The following DST variants were observed in gnomAD, a reference collection of about 807,000 sequenced individuals.
DST encodes the protein bullous pemphigoid antigen.
A neutral mutation model predicts 875.2 loss-of-function variants in DST; 253 were observed. That is an observed-to-expected ratio of 0.29 (90% CI 0.26 to 0.32). DST has a LOEUF of 0.32. Among genes scored for constraint, DST ranks in the 10% least tolerant of loss-of-function variants. DST has a pLI of 1.00. For missense variants in DST, 8,287 were observed against 9,111.6 expected (o/e 0.91, Z 3.68); for synonymous variants, 3,124 against 3,197.1 (o/e 0.98, Z 0.77).
intron 2 of DST, among the ~76,000 whole-genome samples, chr6:56,939,660 A>AT (rs907110485): frequency 2.2e-4 from 33 of 152,126 alleles, no homozygotes; most frequent in African/African-American, 7.9e-4. Flanking sequence ...CTGTTTTTGC[A>AT]TTTTTTTATT....
chr6:56,631,242 C>T lies in DST; in HGVS notation c.4111G>A (p.Val1371Ile), dbSNP rs2098777264. Residue 1371 changes from valine to isoleucine, a missense_variant, in exon 30 of 104, where the codon GTC (valine) becomes ATC (isoleucine). Val to Ile is a conservative substitution (Grantham distance 29). This residue lies in a region of DST where 3,138 missense variants were observed against 3,116.6 expected (regional missense o/e 1.01). Transcript: ENST00000680361. ...LNVVLQNMNQ[V>I]YSMSSTYIDK... ...ATGTAAGTGGAAGACATAGAATAGA[C>T]TTGGTTCATGTTCTGAAGGACCACA... 2 of 1,613,616 alleles carry T rather than the reference C, an allele frequency of 1.2e-6. No homozygotes were observed. The highest frequency in any genetic ancestry group is 4.5e-5 in the East Asian group (2 of 44,846).
At chr6:56,742,332 C>T (rs1441006075) in intron 4 of DST, 4 of 1,289,774 alleles carry the variant, frequency 3.1e-6, no homozygotes, top group Non-Finnish European at 4.0e-6. Context: ...TCATGAGCTG[C>T]CCCATCATTC....
chr6:56,536,649 C>A, intron 62 of DST, 130 bp downstream of exon 62: 1 of 924,988 alleles, frequency 1.1e-6, no homozygotes, highest in Non-Finnish European at 1.5e-6. Context: ...TTGAGCCATC[C>A]AGTTTACAGT....
intron 39 of DST, among the ~76,000 whole-genome samples, chr6:56,609,901 TTA>T (rs1378730469): frequency 6.6e-6 from 1 of 152,182 alleles, no homozygotes; most frequent in Admixed American, 6.5e-5. Flanking sequence ...ATATTGAATA[TTA>T]TGTTAGGCCT....
At chr6:56,500,207 A>C (rs1488123140) in intron 80 of DST, among the ~76,000 whole-genome samples, 3 of 152,130 alleles carry the variant, frequency 2.0e-5, no homozygotes, top group African/African-American at 7.2e-5. Context: ...TTGATAGTTA[A>C]GGAAAATTTA....
intron 49 of DST, among the ~76,000 whole-genome samples, chr6:56,586,322 G>A (rs1171041035): frequency 1.3e-5 from 2 of 151,708 alleles, no homozygotes; most frequent in African/African-American, 4.8e-5. Flanking sequence ...AGCTCTTCTG[G>A]TTGAATTGAT....
chr6:56,779,573 G>A (rs1215185090), intron 4 of DST, among the ~76,000 whole-genome samples: 1 of 151,898 alleles, frequency 6.6e-6, no homozygotes, highest in African/African-American at 2.4e-5. Flanking sequence ...AAGGTGTAAG[G>A]AAGGGATCCA....
chr6:56,724,920 T>C (rs1332899531), intron 5 of DST, among the ~76,000 whole-genome samples: 1 of 152,176 alleles, frequency 6.6e-6, no homozygotes, highest in Non-Finnish European at 1.5e-5. Context: ...CTGAAGCTTT[T>C]TGACAATCTT....
At chr6:56,632,309 A>T (rs1353660281) in intron 28 of DST, among the ~76,000 whole-genome samples, 1 of 152,202 alleles carries the variant, frequency 6.6e-6, no homozygotes, top group Admixed American at 6.5e-5. Context: ...TTTTATGTTC[A>T]CAAAAATGTG....
chr6:56,938,100 CTCTCTCTCTATATATA>C lies in DST; in HGVS notation c.216+15669_216+15684del, dbSNP rs1380696953. 1.2e-3 allele frequency among the ~76,000 whole-genome samples: 34 copies of C among 28,110 alleles called. No individual in the cohort carries two copies. The Admixed American group carries it at 0.025, about 20-fold the overall frequency. The allele number at this position is 28,110 out of a possible 152,430, so 18.4% of individuals were successfully genotyped here. ...TCTCTCTTTCTCTCTCTCTCTCTCTCTCTCTCTCTATATATATATATATATATATATGTTTAAAAAA... is the reference window on the plus strand; with the variant it reads ...TCTCTCTTTCTCTCTCTCTCTCTCTCTATATATATATATATGTTTAAAAAA... On this transcript the variant is annotated intron_variant, in intron 2 of 103. Coordinates refer to ENST00000680361, the MANE Select transcript of DST (RefSeq NM_001374736.1).
chr6:56,723,188 C>A (rs971177496), intron 5 of DST, among the ~76,000 whole-genome samples: 1 of 152,138 alleles, frequency 6.6e-6, no homozygotes, highest in Non-Finnish European at 1.5e-5. Flanking sequence ...GAATTTTAGA[C>A]AATTAAAGAA....
intron 4 of DST, among the ~76,000 whole-genome samples, chr6:56,741,881 T>C (rs1344778096): frequency 1.3e-5 from 2 of 152,100 alleles, no homozygotes; most frequent in Non-Finnish European, 2.9e-5. Context: ...TATATTTATA[T>C]CCCCCTTATA....
intron 5 of DST, among the ~76,000 whole-genome samples, chr6:56,720,924 G>A (rs938820740): frequency 6.4e-4 from 94 of 147,648 alleles, no homozygotes; most frequent in African/African-American, 2.4e-3. Context: ...TCCCAGATGG[G>A]GCGGCCAGGC....
chr6:56,473,952 C>A lies in DST; in HGVS notation c.21915G>T (p.Thr7305=). 1 of 1,586,080 alleles carries A rather than the reference C, an allele frequency of 6.3e-7. No homozygotes were observed. The highest frequency in any genetic ancestry group is 8.6e-7 in the Non-Finnish European group (1 of 1,163,896). Residue 7305 remains threonine, a synonymous_variant, in exon 93 of 104, where the codon ACG becomes ACT. Transcript: ENST00000680361. Reference sequence around the variant, plus strand: ...CAGCAGCTCTCCTCTTATAGGTCTTCGTTACTTTATCAACATCAGGCTGTT... The same window carrying A: ...CAGCAGCTCTCCTCTTATAGGTCTTAGTTACTTTATCAACATCAGGCTGTT... The part of the protein sequence containing the change: ...TRKQPDVDKV[T]KTYKRRAADP...
intron 9 of DST, among the ~76,000 whole-genome samples, chr6:56,673,020 C>T (rs2099109985): frequency 6.6e-6 from 1 of 151,926 alleles, no homozygotes; most frequent in South Asian, 2.1e-4. Flanking sequence ...ATTGGGAGGC[C>T]AAAATGAGAG....
rs537388487 is a variant in DST at position 56,826,261 on chromosome 6, T to A, written c.625+25136A>T. Among the ~76,000 whole-genome samples the A allele has an allele frequency of 2.2e-3, 340 of 152,364 alleles. 3 individuals are homozygous for A. Among genetic ancestry groups the A allele is most frequent in the African/African-American group, 7.4e-3 (307 of 41,596 alleles). On this transcript the variant is annotated intron_variant, in intron 4 of 103. Transcript: ENST00000680361. ...ATAAATTGTTTATGAAAGTACCAGATGGTCTATTAAGTCAATGTCACTTAA... is the reference window on the plus strand; with the variant it reads ...ATAAATTGTTTATGAAAGTACCAGAAGGTCTATTAAGTCAATGTCACTTAA...
At chr6:56,533,515 C>A (rs1221686225) in intron 63 of DST, among the ~76,000 whole-genome samples, 1 of 152,190 alleles carries the variant, frequency 6.6e-6, no homozygotes, top group Non-Finnish European at 1.5e-5. Context: ...GTAAGACATA[C>A]AAACTGTGTT....
chr6:56,916,778 T>TCTCTCTCTCTCTCTCTCACACACA (rs1470233953), intron 2 of DST, among the ~76,000 whole-genome samples: 1 of 91,342 alleles, frequency 1.1e-5, no homozygotes, highest in African/African-American at 5.1e-5. Flanking sequence ...TCTCTCTCTC[T>TCTCTCTCTCTCTCTCTCACACACA]CACACACACA....
chr6:56,941,228 T>A (rs1031225358), intron 2 of DST, among the ~76,000 whole-genome samples: 1 of 152,200 alleles, frequency 6.6e-6, no homozygotes, highest in East Asian at 1.9e-4. Flanking sequence ...CCCCACAATT[T>A]TGAGATACTG....
Sources: gnomAD v4.1 joint callset for allele counts (sites outside exome capture counted in the v4.1 genomes callset) on GRCh38, gnomAD v4.1.1 for gene constraint, gnomAD v4.1.1 regional missense constraint, MANE v1.5 for transcripts, NCBI Gene and HGNC (gene_info 2026-07-23, HGNC 2026-07-21) for gene names.